The following SNAPC4 variants were observed in gnomAD, a reference collection of about 807,000 sequenced individuals.
SNAPC4 encodes the protein snRNA-activating protein complex subunit 4.
A neutral mutation model predicts 151.3 loss-of-function variants in SNAPC4; 127 were observed. That is an observed-to-expected ratio of 0.84 (90% confidence interval 0.73 to 0.97). The LOEUF (loss-of-function observed/expected upper bound fraction) is 0.97, where lower values mean the gene tolerates loss of function less well. SNAPC4 is among the 50% of genes least tolerant of loss of function. The probability of loss-of-function intolerance (pLI) is 0.00; values close to 1 mark genes in which losing one functional copy is unlikely to be tolerated. For missense variants in SNAPC4, 2,186 were observed against 1,935.0 expected, an observed-to-expected ratio of 1.13 and a Z score of -2.43; for synonymous variants, 1,002 against 824.4, an observed-to-expected ratio of 1.22 and a Z score of -3.69.
chr9:136,380,224 C>T (rs932962290), intron 20 of SNAPC4, among the ~76,000 whole-genome samples: 2 of 151,892 alleles, frequency 1.3e-5, no homozygotes, highest in South Asian at 4.2e-4. Flanking sequence ...TTCCCCCTGC[C>T]AGTGCAGCTC....
At chr9:136,384,457 G>A (rs562623804) in intron 14 of SNAPC4, among the ~76,000 whole-genome samples, 7 of 152,282 alleles carry the variant, frequency 4.6e-5, no homozygotes, top group East Asian at 1.9e-4. Flanking sequence ...ACTCTAAGGG[G>A]ACATTGCAAA....
intron 22 of SNAPC4, among the ~76,000 whole-genome samples, chr9:136,376,740 G>C (rs1368141820): frequency 6.6e-6 from 1 of 151,922 alleles, no homozygotes; most frequent in Non-Finnish European, 1.5e-5. Flanking sequence ...TCACACCCAG[G>C]CAGGGCAGGA....
intron 3 of SNAPC4, among the ~76,000 whole-genome samples, chr9:136,396,443 G>T (rs745686295): frequency 6.6e-6 from 1 of 152,172 alleles, no homozygotes; most frequent in Admixed American, 6.5e-5. Flanking sequence ...TTGAGACAGG[G>T]TCTCACTCCA....
Position 136,394,311 on chromosome 9 carries a change from G to C in SNAPC4, c.570C>G (p.Ala190=). The C allele has an allele frequency of 6.2e-7, 1 of 1,613,894 alleles. No homozygotes were observed. The highest frequency in any genetic ancestry group is 8.5e-7 in the Non-Finnish European group (1 of 1,179,944). The change falls in exon 7 of 24, where the codon GCC becomes GCG. Residue 190 remains alanine, a synonymous_variant. Coordinates refer to ENST00000684778, the MANE Select transcript of SNAPC4 (RefSeq NM_003086.4). ...LVTKWKNWEK[A]LLRKSVVSDR... ...CACTCACCACTGACTTTCGGAGCAAGGCCTTTTCCCAGTTTTTCCCTGAGG... is the reference window on the plus strand; with the variant it reads ...CACTCACCACTGACTTTCGGAGCAACGCCTTTTCCCAGTTTTTCCCTGAGG...
intron 11 of SNAPC4, 55 bp from the exon 12 acceptor site, chr9:136,387,903 G>T (rs376259257): frequency 1.0e-6 from 1 of 995,024 alleles, no homozygotes; most frequent in Non-Finnish European, 1.6e-6. Context: ...ACCCTCCATA[G>T]AGTAGACAGC....
At chr9:136,392,442 A>G (rs1443525305) in intron 9 of SNAPC4, 80 bp downstream of exon 9, 3 of 1,388,998 alleles carry the variant, frequency 2.2e-6, no homozygotes, top group Non-Finnish European at 3.0e-6. Flanking sequence ...GTGTGGCCTT[A>G]CCACCCAATT....
At chr9:136,398,499 TTCAGACACACCC>T in intron 1 of SNAPC4, 62 bp from the exon 2 acceptor site, 2 of 1,575,420 alleles carry the variant, frequency 1.3e-6, no homozygotes, top group South Asian at 2.3e-5. Flanking sequence ...CCCATTCTCC[TTCAGACACACCC>T]GCCCATGGGG....
At chr9:136,387,418 C>T in intron 13 of SNAPC4, 67 bp downstream of exon 13, 3 of 1,169,812 alleles carry the variant, frequency 2.6e-6, no homozygotes, top group Non-Finnish European at 3.9e-6. Flanking sequence ...GCCCACAGCC[C>T]ACACCAGAGT....
intron 18 of SNAPC4, among the ~76,000 whole-genome samples, 159 bp from the exon 19 acceptor site, chr9:136,381,551 G>A (rs1043572813): frequency 8.5e-5 from 13 of 152,204 alleles, no homozygotes; most frequent in African/African-American, 2.4e-4. Flanking sequence ...CCACAGCCAC[G>A]CCTGGACAAG....
In SNAPC4 at chr9:136,378,288, A is replaced by G. The variant is rs1444558151; in HGVS notation, c.3539T>C (p.Val1180Ala). 6.2e-7 allele frequency: 1 copy of G among 1,604,948 alleles called. No homozygotes were observed. The highest frequency in any genetic ancestry group is 1.1e-5 in the South Asian group (1 of 89,664). The part of the protein sequence containing the change: ...SVAFVPGEAQ[V>A]AREIPEPRTS... ...CCTGGGCTCAGGTATCTCCCTGGCC[A>G]CCTGGGCCTCTCCAGGGACAAAGGC... The change falls in exon 22 of 24, where the codon GTG becomes GCG. Residue 1180 changes from valine to alanine, a missense_variant. By Grantham distance (64) the Val-to-Ala change is moderately conservative. Coordinates refer to ENST00000684778, the MANE Select transcript of SNAPC4 (RefSeq NM_003086.4).
chr9:136,380,332 T>C (rs1034377941), intron 20 of SNAPC4, among the ~76,000 whole-genome samples: 1 of 151,694 alleles, frequency 6.6e-6, no homozygotes, highest in Non-Finnish European at 1.5e-5. Flanking sequence ...GGCCCAGGGG[T>C]ACCCCACTGC....
At chr9:136,397,425 G>A (rs1181953294) in intron 2 of SNAPC4, among the ~76,000 whole-genome samples, 1 of 150,548 alleles carries the variant, frequency 6.6e-6, no homozygotes, top group Non-Finnish European at 1.5e-5. Context: ...TTGCCTCAGA[G>A]GCAGGCCCTG....
At chr9:136,394,508 C>T (rs1487629646) in intron 6 of SNAPC4, among the ~76,000 whole-genome samples, 178 bp from the exon 7 acceptor site, 1 of 152,206 alleles carries the variant, frequency 6.6e-6, no homozygotes, top group Non-Finnish European at 1.5e-5. Context: ...CGAGGCCTGG[C>T]GCCAGCTCAC....
intron 9 of SNAPC4, 128 bp from the exon 10 acceptor site, chr9:136,392,234 G>T: frequency 1.7e-6 from 2 of 1,208,338 alleles, no homozygotes; most frequent in South Asian, 1.3e-5. Flanking sequence ...CGCAATCTTC[G>T]TCCAACTCAC....
At chr9:136,381,471 T>G in intron 18 of SNAPC4, 79 bp from the exon 19 acceptor site, 1 of 1,325,124 alleles carries the variant, frequency 7.5e-7, no homozygotes, top group Non-Finnish European at 1.1e-6. Flanking sequence ...CAGCCCCAGC[T>G]CCCACGTGCC....
At chr9:136,386,747 TTTAA>T (rs1002828777) in intron 13 of SNAPC4, among the ~76,000 whole-genome samples, 27 of 150,750 alleles carry the variant, frequency 1.8e-4, no homozygotes, top group Middle Eastern at 3.6e-3. Context: ...TACACTTCAT[TTTAA>T]TTAATTAATT....
rs778786659 is a variant in SNAPC4, at chr9:136,387,824, T to C, written c.1148A>G (p.Asp383Gly). The stretch of plus-strand genomic sequence containing the variant: ...CCATCGGTAGATCAGCTGCATGGAG[T>C]CTCTCCCTTCCATATAGTAGACAAC... ...RRIVYYMEGR[D>G]SMQLIYRWTK... is the part of the protein sequence containing the mutation. Residue 383 changes from aspartate (D) to glycine (G), a missense_variant, in exon 12 of 24, where the codon GAC becomes GGC. Transcript: ENST00000684778. 6.2e-7 allele frequency: 1 copy of C among 1,608,590 alleles called. No homozygotes were observed. The highest frequency in any genetic ancestry group is 2.2e-5 in the East Asian group (1 of 44,808).
chr9:136,387,364 A>G, intron 13 of SNAPC4, 121 bp downstream of exon 13: 2 of 766,106 alleles, frequency 2.6e-6, no homozygotes, highest in East Asian at 5.0e-5. Flanking sequence ...AGCGACCCAC[A>G]CGGGCCCCTC....
In SNAPC4 at chr9:136,379,022, G is replaced by C; in HGVS notation, c.2805C>G (p.His935Gln). The stretch of plus-strand genomic sequence containing the variant: ...CCGGGGCTGGGCGGCCGTGTGGGGT[G>C]TGTGGTAGAGGGGGCTGGAGGATCA... Reference protein sequence around the residue: ...SSVILQPPLPHTPHGRPAPGP... With the variant: ...SSVILQPPLPQTPHGRPAPGP... The change falls in exon 22 of 24, where the codon CAC becomes CAG. Residue 935 changes from histidine (H) to glutamine (Q), a missense_variant. Transcript: ENST00000684778. 6.2e-7 allele frequency: 1 copy of C among 1,603,158 alleles called. No individual in the cohort carries two copies. The highest frequency in any genetic ancestry group is 1.1e-5 in the South Asian group (1 of 89,304).
Sources: gnomAD v4.1 joint callset for allele counts (sites outside exome capture counted in the v4.1 genomes callset) on GRCh38, gnomAD v4.1.1 for gene constraint, MANE v1.5 for transcripts, NCBI Gene and HGNC (gene_info 2026-07-23, HGNC 2026-07-21) for gene names.